ELOA: variants seen among roughly 807,000 people sequenced by gnomAD.
ELOA encodes the protein elongin-A.
ELOA carries 15 observed loss-of-function variants against 85.2 expected under a neutral mutation model. The ratio of observed to expected loss-of-function variants is 0.18; its 90% CI spans 0.12 to 0.27. The LOEUF (loss-of-function observed/expected upper bound fraction) is 0.27. Among genes scored for constraint, ELOA ranks in the 10% least tolerant of loss-of-function variants. The pLI is 1.00. For missense variants in ELOA, 769 were observed against 952.7 expected (o/e 0.81, Z 2.54); for synonymous variants, 348 against 357.2 (o/e 0.97, Z 0.29).
At chr1:23,748,348 A>C (rs1441893337) in intron 1 of ELOA, among the ~76,000 whole-genome samples, 1 of 152,032 alleles carries the variant, frequency 6.6e-6, no homozygotes, top group Non-Finnish European at 1.5e-5. Flanking sequence ...CCTGTCTCTG[A>C]CTCCAGAACT....
chr1:23,760,797 C>T lies in ELOA; in HGVS notation c.*1224C>T, dbSNP rs145731937. 4.4e-4 allele frequency: 67 copies of T among 152,220 alleles called. No individual in the cohort carries two copies. Among genetic ancestry groups the T allele is most frequent in the African/African-American group, 1.5e-3 (64 of 41,522 alleles). The allele number at this position is 152,220 out of a possible 1,614,324, so 9.4% of individuals were successfully genotyped here. ...CACAGCGTCAGGATGGGGGAAACCA[C>T]ATGGGATCCATCAAGTTCCAGTTGA... On this transcript the variant is annotated 3_prime_UTR_variant, in exon 11 of 11. Transcript: ENST00000613537.
At chr1:23,744,479 G>A (rs1408856343) in intron 1 of ELOA, among the ~76,000 whole-genome samples, 1 of 148,500 alleles carries the variant, frequency 6.7e-6, no homozygotes, top group African/African-American at 2.5e-5. Context: ...TTTGAGGCGA[G>A]TCTTGCTCTG....
intron 8 of ELOA, 96 bp downstream of exon 8, chr1:23,756,119 C>A: frequency 6.7e-7 from 1 of 1,486,028 alleles, no homozygotes; most frequent in Non-Finnish European, 9.1e-7. Flanking sequence ...GGACTGCTTG[C>A]CCCTACATCA....
chr1:23,759,711 T>TTCCCAGGG lies in ELOA; in HGVS notation c.*138_*139insTCCCAGGG. On this transcript the variant is annotated 3_prime_UTR_variant, in exon 11 of 11. Transcript: ENST00000613537. ...GTCTCCGAGTCCTGCAGTCTGCAGGTGCTGCCCCTGGGAACCTGCGTGCCA... is the reference window on the plus strand; with the variant it reads ...GTCTCCGAGTCCTGCAGTCTGCAGGTTCCCAGGGGCTGCCCCTGGGAACCTGCGTGCCA... The TTCCCAGGG allele has an allele frequency of 1.1e-6, 1 of 949,998 alleles. No homozygotes were observed. The highest frequency in any genetic ancestry group is 1.6e-6 in the Non-Finnish European group (1 of 621,318). 58.8% of individuals were successfully genotyped at this position (949,998 alleles called of 1,614,324 possible).
intron 10 of ELOA, among the ~76,000 whole-genome samples, chr1:23,758,107 A>G (rs1320700107): frequency 6.6e-6 from 1 of 151,714 alleles, no homozygotes; most frequent in Non-Finnish European, 1.5e-5. Flanking sequence ...CCTAAATATA[A>G]ACTGACTTCT....
intron 1 of ELOA, among the ~76,000 whole-genome samples, chr1:23,744,909 A>G (rs1415149739): frequency 1.3e-5 from 2 of 152,154 alleles, no homozygotes; most frequent in African/African-American, 4.8e-5. Flanking sequence ...TACCAGGCTG[A>G]AAGTCAGTGC....
intron 3 of ELOA, among the ~76,000 whole-genome samples, chr1:23,750,354 T>A (rs911712953): frequency 1.3e-5 from 2 of 151,966 alleles, no homozygotes; most frequent in African/African-American, 2.4e-5. Context: ...TTTTTGTATT[T>A]TTAGTAGAGA....
chr1:23,746,087 G>A (rs1407976593), intron 1 of ELOA, among the ~76,000 whole-genome samples: 1 of 151,960 alleles, frequency 6.6e-6, no homozygotes, highest in Non-Finnish European at 1.5e-5. Context: ...TCAGGAGTTC[G>A]AGACCAGCCT....
chr1:23,756,367 C>T lies in ELOA; in HGVS notation c.2066C>T (p.Ala689Val), dbSNP rs1048747252. The change falls in exon 9 of 11, where the codon GCT (alanine) becomes GTT (valine). Residue 689 changes from alanine (A) to valine (V), a missense_variant. Around this residue, in one of 4 missense-constraint regions of ELOA, gnomAD observed 116 missense variants for 141.0 expected, o/e 0.82. Transcript: ENST00000613537. ...GAAAAGTTTGGAACGGGAGGAGCAG[C>T]TGTCCCTGAGAAAATCAAGTAAGAT... ...RQEKFGTGGA[A>V]VPEKIKIKPA... 5 of 1,576,318 alleles carry T rather than the reference C, an allele frequency of 3.2e-6. No individual in the cohort carries two copies. Among genetic ancestry groups the T allele is most frequent in the Non-Finnish European group, 4.3e-6 (5 of 1,160,376 alleles).
chr1:23,746,295 A>AC (rs1279272646), intron 1 of ELOA, among the ~76,000 whole-genome samples: 1 of 149,472 alleles, frequency 6.7e-6, no homozygotes, highest in Non-Finnish European at 1.5e-5. Context: ...TCTCAAAAAA[A>AC]AAAAAACAAA....
intron 7 of ELOA, among the ~76,000 whole-genome samples, chr1:23,754,938 C>G (rs1437702103): frequency 1.4e-5 from 2 of 141,100 alleles, no homozygotes; most frequent in Non-Finnish European, 3.1e-5. Flanking sequence ...GACCTAACAC[C>G]TTTTTTTTTT....
chr1:23,758,464 G>A (rs986025484), intron 10 of ELOA, among the ~76,000 whole-genome samples: 1 of 148,950 alleles, frequency 6.7e-6, no homozygotes, highest in Admixed American at 6.8e-5. Context: ...TAGTAGACAC[G>A]GGGTTTCACC....
In ELOA at chr1:23,760,604, TG is replaced by T. The variant is rs1433294589; in HGVS notation, c.*1033del. 1 of 152,216 alleles carries T rather than the reference TG, an allele frequency of 6.6e-6. No homozygotes were observed. The highest frequency in any genetic ancestry group is 1.5e-5 in the Non-Finnish European group (1 of 68,046). The allele number at this position is 152,216 out of a possible 1,614,324, so 9.4% of individuals were successfully genotyped here. On this transcript the variant is annotated 3_prime_UTR_variant, in exon 11 of 11. Coordinates refer to ENST00000613537, the MANE Select transcript of ELOA (RefSeq NM_003198.3). ...GGTTTTAAAGGCTGTAATGCTATGT[TG>T]GAAATTGGTTTGTTTTGCCTTTTAT...
At chr1:23,744,384 A>T (rs140327754) in intron 1 of ELOA, 1 of 151,268 alleles carries the variant, frequency 6.6e-6, no homozygotes, top group Non-Finnish European at 1.5e-5. Flanking sequence ...GCGTTCTTGT[A>T]CCTTTTCATC....
Position 23,751,298 on chromosome 1 carries a change from T to G in ELOA, c.693T>G (p.Gly231=), listed in dbSNP as rs766322732. 8.7e-6 allele frequency: 14 copies of G among 1,614,112 alleles called. No homozygotes were observed. The East Asian group carries it at 2.9e-4, about 33-fold the overall frequency. ...GGGCCAGCCAAGAACGACACCTGGG[T>G]GAACCCCATGGGAAAGGGGTTGTGA... ...RLGASQERHL[G]EPHGKGVVSQ... The change falls in exon 4 of 11, where the codon GGT becomes GGG. Residue 231 remains glycine (G), a synonymous_variant. Transcript: ENST00000613537.
rs759989154 is a variant in ELOA, at chr1:23,751,823, T to C, written c.1218T>C (p.Ser406=). 1.2e-6 allele frequency: 2 copies of C among 1,614,182 alleles called. No homozygotes were observed. Among genetic ancestry groups the C allele is most frequent in the Non-Finnish European group, 1.7e-6 (2 of 1,180,038 alleles). ...MEDEFEQPTM[S]FESYLSYDQP... is the part of the protein sequence containing the mutation. The stretch of plus-strand genomic sequence containing the variant: ...ATGAATTCGAGCAGCCAACCATGTC[T>C]TTTGAATCCTACCTCAGCTATGACC... The change falls in exon 4 of 11, where the codon TCT becomes TCC. Residue 406 remains serine (S), a synonymous_variant. Coordinates refer to ENST00000613537, the MANE Select transcript of ELOA (RefSeq NM_003198.3).
At chr1:23,746,967 A>C (rs1644750005) in intron 1 of ELOA, among the ~76,000 whole-genome samples, 1 of 152,120 alleles carries the variant, frequency 6.6e-6, no homozygotes, top group Non-Finnish European at 1.5e-5. Context: ...TGTTAGACTA[A>C]ATGAGTCTGA....
chr1:23,754,414 A>C lies in ELOA; in HGVS notation c.1745A>C (p.Glu582Ala). 1 of 1,614,152 alleles carries C rather than the reference A, an allele frequency of 6.2e-7. No homozygotes were observed. The highest frequency in any genetic ancestry group is 8.5e-7 in the Non-Finnish European group (1 of 1,180,026). Residue 582 changes from glutamate to alanine, a missense_variant, in exon 7 of 11, where the codon GAG becomes GCG. Glu to Ala is a moderately radical substitution (Grantham distance 107). Around this residue, in one of 4 missense-constraint regions of ELOA, gnomAD observed 193 missense variants for 278.9 expected, o/e 0.69. Transcript: ENST00000613537. ...TACTCTGTTCTTGAACCCGTTTTGG[A>C]GAGGTGTACACCTGATCAGCTGTAT... The part of the protein sequence containing the change: ...VPYSVLEPVL[E>A]RCTPDQLYRI...
At position 23,751,306 on chromosome 1, in the gene ELOA, A is replaced by T. The variant is rs143816348; in HGVS notation, c.701A>T (p.His234Leu). ...ASQERHLGEP[H>L]GKGVVSQNKE... ...CAAGAACGACACCTGGGTGAACCCC[A>T]TGGGAAAGGGGTTGTGAGTCAAAAC... Residue 234 changes from histidine (H) to leucine (L), a missense_variant, in exon 4 of 11, where the codon CAT becomes CTT. Coordinates refer to ENST00000613537, the MANE Select transcript of ELOA (RefSeq NM_003198.3). 1.9e-6 allele frequency: 3 copies of T among 1,614,214 alleles called. No homozygotes were observed. Among genetic ancestry groups the T allele is most frequent in the Non-Finnish European group, 2.5e-6 (3 of 1,180,038 alleles).
Sources: allele counts gnomAD v4.1 joint callset (sites outside exome capture counted in the v4.1 genomes callset), GRCh38; gene constraint gnomAD v4.1.1; regional missense constraint gnomAD v4.1.1; transcripts MANE v1.5; gene names NCBI Gene and HGNC (gene_info 2026-07-23, HGNC 2026-07-21).